PHKA2: variants seen among roughly 807,000 people sequenced by gnomAD.
PHKA2 encodes phosphorylase kinase regulatory subunit alpha 2, also known as phosphorylase b kinase regulatory subunit alpha, liver isoform.
In PHKA2, 31 loss-of-function variants were observed where a neutral mutation model predicts 102.0. The ratio of observed to expected loss-of-function variants is 0.30; its 90% CI spans 0.23 to 0.41. PHKA2 has a LOEUF of 0.41. Ranked by LOEUF, PHKA2 falls within the 10% of genes least tolerant of loss-of-function variation. PHKA2 has a pLI of 1.00. For missense variants in PHKA2, 858 were observed against 1,023.1 expected, an observed-to-expected ratio of 0.84 and a Z score of 2.20; for synonymous variants, 455 against 416.2, an observed-to-expected ratio of 1.09 and a Z score of -1.13.
intron 1 of PHKA2, among the ~76,000 whole-genome samples, chrX:18,960,411 C>T (rs2048850196): frequency 8.9e-6 from 1 of 111,759 alleles, no homozygotes; most frequent in African/African-American, 3.3e-5. Context: ...GTTCTGTGGG[C>T]TGTACAGGAA....
At chrX:18,916,964 C>T (rs1408191188) in intron 19 of PHKA2, among the ~76,000 whole-genome samples, 2 of 109,188 alleles carry the variant, frequency 1.8e-5, no homozygotes, top group Non-Finnish European at 3.8e-5. Context: ...ACCTCAACCT[C>T]CCTGAGCTCA....
intron 7 of PHKA2, 106 bp downstream of exon 7, chrX:18,943,604 A>C: frequency 1.5e-6 from 1 of 654,164 alleles, no homozygotes; most frequent in Non-Finnish European, 2.6e-6. Context: ...AAGCTCAAAG[A>C]AGCAAAGTAT....
intron 1 of PHKA2, among the ~76,000 whole-genome samples, chrX:18,978,861 C>G (rs145970871): frequency 9.0e-6 from 1 of 111,582 alleles, no homozygotes; most frequent in African/African-American, 3.3e-5. Context: ...CACTCCTGGC[C>G]GGGAGCAGTA....
intron 3 of PHKA2, among the ~76,000 whole-genome samples, chrX:18,951,890 A>G (rs1425838487): frequency 9.0e-6 from 1 of 110,562 alleles, no homozygotes; most frequent in Non-Finnish European, 1.9e-5. Context: ...AATAAACAAT[A>G]ATATATGGCT....
At chrX:18,937,290 A>T (rs1443953044) in intron 10 of PHKA2, among the ~76,000 whole-genome samples, 1 of 110,822 alleles carries the variant, frequency 9.0e-6, no homozygotes, top group East Asian at 2.9e-4. Flanking sequence ...CTCAGCACAG[A>T]GCATGGTACC....
chrX:18,949,009 G>A (rs764185717), intron 4 of PHKA2, among the ~76,000 whole-genome samples, 183 bp from the exon 5 acceptor site: 2 of 111,780 alleles, frequency 1.8e-5, no homozygotes, highest in South Asian at 7.5e-4. Context: ...AAAGAGGGAA[G>A]GAAGGAGGGA....
Position 18,952,551 on chromosome X carries a change from T to C in PHKA2, c.238-10A>G, listed in dbSNP as rs1477738687. The C allele has an allele frequency of 1.2e-5, 15 of 1,205,815 alleles. No homozygotes were observed. Among genetic ancestry groups the C allele is most frequent in the Non-Finnish European group, 1.6e-5 (14 of 891,810 alleles). Reference sequence around the variant, plus strand: ...TCAGCTTCACCACGTTCTGTGGAGATAAAGCAGAATCAGCAACACGGCCCA... The same window carrying C: ...TCAGCTTCACCACGTTCTGTGGAGACAAAGCAGAATCAGCAACACGGCCCA... On this transcript the variant is annotated splice_polypyrimidine_tract_variant and intron_variant, in intron 2 of 32. Coordinates refer to ENST00000379942, the MANE Select transcript of PHKA2 (RefSeq NM_000292.3).
At chrX:18,938,867 G>A (rs752320993) in intron 9 of PHKA2, 118 bp from the exon 10 acceptor site, 27 of 658,285 alleles carry the variant, frequency 4.1e-5, no homozygotes, top group Admixed American at 1.2e-4. Context: ...GTTGGCATGA[G>A]TAGGATTTTA....
chrX:18,957,738 T>TTTTATATATA (rs1556017565), intron 1 of PHKA2, among the ~76,000 whole-genome samples: 7 of 95,147 alleles, frequency 7.4e-5, no homozygotes, highest in African/African-American at 3.1e-4. Flanking sequence ...TAAAACCAGA[T>TTTTATATATA]TATATATATA....
At chrX:18,957,706 T>C (rs931360696) in intron 1 of PHKA2, among the ~76,000 whole-genome samples, 1 of 105,642 alleles carries the variant, frequency 9.5e-6, no homozygotes, top group African/African-American at 3.6e-5. Context: ...GCCTCATATA[T>C]ACATTTTTTC....
intron 27 of PHKA2, 152 bp from the exon 28 acceptor site, chrX:18,900,851 G>C: frequency 3.9e-6 from 2 of 514,834 alleles, no homozygotes; most frequent in Non-Finnish European, 7.0e-6. Context: ...AGTGGGTCAT[G>C]AACAGCATTT....
chrX:18,943,280 T>C (rs141267013), intron 7 of PHKA2, among the ~76,000 whole-genome samples: 2 of 111,772 alleles, frequency 1.8e-5, no homozygotes, highest in Non-Finnish European at 3.8e-5. Context: ...CCCATCTCAT[T>C]TCTTCTCCAC....
chrX:18,914,360 G>A (rs112081158), intron 19 of PHKA2, among the ~76,000 whole-genome samples: 3 of 112,365 alleles, frequency 2.7e-5, no homozygotes, highest in Admixed American at 9.4e-5. Flanking sequence ...TTTCAGAAGC[G>A]GGAAAGCTGA....
intron 17 of PHKA2, among the ~76,000 whole-genome samples, chrX:18,922,011 C>G (rs1227234549): frequency 8.9e-6 from 1 of 112,495 alleles, no homozygotes; most frequent in African/African-American, 3.2e-5. Context: ...CTTTGGGAGG[C>G]TGAGGCAGGT....
At chrX:18,900,836 C>T in intron 27 of PHKA2, 137 bp from the exon 28 acceptor site, 1 of 536,119 alleles carries the variant, frequency 1.9e-6, no homozygotes, top group Admixed American at 2.6e-5. Flanking sequence ...TCATGGACTC[C>T]ATTTAGTGGG....
intron 1 of PHKA2, among the ~76,000 whole-genome samples, chrX:18,965,528 C>T (rs953359623): frequency 9.0e-6 from 1 of 111,273 alleles, no homozygotes; most frequent in African/African-American, 3.3e-5. Context: ...TACAATAGGG[C>T]TCTTAACCTG....
chrX:18,894,525 GCC>G (rs1174788802), intron 31 of PHKA2, 121 bp from the exon 32 acceptor site: 17 of 614,577 alleles, frequency 2.8e-5, no homozygotes, highest in Non-Finnish European at 4.2e-5. Context: ...CGCCACTGCT[GCC>G]CCTTTTCTGG....
Position 18,918,979 on chromosome X carries a change from G to A in PHKA2, c.1964-125C>T, listed in dbSNP as rs147289546. 1.9e-3 allele frequency: 1,076 copies of A among 570,823 alleles called. 5 individuals carry two copies. In the African/African-American group the frequency reaches 0.021, roughly 11 times the overall value. The allele number at this position is 570,823 out of a possible 1,213,427, so 47.0% of individuals were successfully genotyped here. The stretch of plus-strand genomic sequence containing the variant: ...TAGCAGATGACAACACTGAGATATC[G>A]ATATTTGCACTCCCACTCACCCCTG... On this transcript the variant is annotated intron_variant, in intron 18 of 32. Transcript: ENST00000379942.
intron 1 of PHKA2, among the ~76,000 whole-genome samples, chrX:18,964,644 A>C (rs1457949096): frequency 1.8e-5 from 2 of 112,511 alleles, no homozygotes; most frequent in Admixed American, 9.4e-5. Flanking sequence ...CTTTTGAAAT[A>C]TTAAAGAGGA....
Sources: gnomAD v4.1 joint callset for allele counts (sites outside exome capture counted in the v4.1 genomes callset) on GRCh38, gnomAD v4.1.1 for gene constraint, MANE v1.5 for transcripts, NCBI Gene and HGNC (gene_info 2026-07-23, HGNC 2026-07-21) for gene names.